Variants in VWDE observed in about 807,000 individuals in gnomAD.
VWDE encodes von Willebrand factor D and EGF domains, also known as von Willebrand factor D and EGF domain-containing protein.
Under a neutral mutation model 178.4 loss-of-function variants are expected in VWDE, and 207 were observed. The ratio of observed to expected loss-of-function variants is 1.16; its 90% CI spans 1.04 to 1.30. The LOEUF (loss-of-function observed/expected upper bound fraction) is 1.30, where lower values mean the gene tolerates loss of function less well. Ranked by LOEUF, VWDE falls within the 50% of genes most tolerant of loss-of-function variation. The pLI, the probability that VWDE is intolerant of heterozygous loss-of-function variation, is 0.00. For synonymous variants in VWDE, 738 were observed against 651.4 expected, an observed-to-expected ratio of 1.13 and a Z score of -2.02; for missense variants, 2,287 against 1,901.3, an observed-to-expected ratio of 1.20 and a Z score of -3.77.
In VWDE at chr7:12,393,610, G is replaced by C. The variant is rs2128562600; in HGVS notation, c.227C>G (p.Pro76Arg). 6.5e-7 allele frequency: 1 copy of C among 1,548,082 alleles called. No individual in the cohort carries two copies. The highest frequency in any genetic ancestry group is 1.7e-4 in the Middle Eastern group (1 of 5,954). The change falls in exon 2 of 29, where the codon CCA becomes CGA. Residue 76 changes from proline to arginine, a missense_variant. Pro to Arg is a moderately radical substitution (Grantham distance 103). Coordinates refer to ENST00000275358, the MANE Select transcript of VWDE (RefSeq NM_001135924.3). ...FLILDRPAEM[P>R]TKCVEMNHCG... The stretch of plus-strand genomic sequence containing the variant: ...TTGACATACCTCAACACATTTGGTT[G>C]GCATCTCGGCAGGTCTGTCAAGGAT...
chr7:12,378,450 C>A (rs77455919), intron 6 of VWDE, among the ~76,000 whole-genome samples: 116 of 152,248 alleles, frequency 7.6e-4, no homozygotes, highest in African/African-American at 2.6e-3. Flanking sequence ...CTGGTGCAAC[C>A]CAGGACTGGC....
intron 13 of VWDE, among the ~76,000 whole-genome samples, chr7:12,366,124 T>G (rs145596044): frequency 6.6e-6 from 1 of 152,254 alleles, no homozygotes; most frequent in African/African-American, 2.4e-5. Flanking sequence ...TGATTTTATG[T>G]TTCCTGGGGT....
At chr7:12,401,918 T>A (rs1017492129) in intron 1 of VWDE, among the ~76,000 whole-genome samples, 2 of 152,148 alleles carry the variant, frequency 1.3e-5, no homozygotes, top group African/African-American at 2.4e-5. Flanking sequence ...TGAATGTACA[T>A]ACAAAATATA....
At chr7:12,392,161 C>T (rs576436189) in intron 2 of VWDE, among the ~76,000 whole-genome samples, 1 of 152,276 alleles carries the variant, frequency 6.6e-6, no homozygotes, top group South Asian at 2.1e-4. Flanking sequence ...GTGACTCATG[C>T]TTAGTGTCTG....
chr7:12,380,416 T>G (rs1243205655), intron 5 of VWDE, 70 bp downstream of exon 5: 3 of 1,504,182 alleles, frequency 2.0e-6, no homozygotes, highest in Non-Finnish European at 2.7e-6. Flanking sequence ...TTTTTGGATA[T>G]GATGTTTAAA....
chr7:12,381,524 G>T (rs912692474), intron 4 of VWDE, among the ~76,000 whole-genome samples: 1 of 152,058 alleles, frequency 6.6e-6, no homozygotes, highest in African/African-American at 2.4e-5. Flanking sequence ...TTGCCATGTA[G>T]ATTTTGGAAA....
At chr7:12,388,353 A>G (rs1784207369) in intron 3 of VWDE, among the ~76,000 whole-genome samples, 1 of 152,072 alleles carries the variant, frequency 6.6e-6, no homozygotes, top group African/African-American at 2.4e-5. Context: ...TGATTAATAT[A>G]ATGTCTGCCA....
intron 10 of VWDE, among the ~76,000 whole-genome samples, chr7:12,372,453 G>A (rs1223213623): frequency 6.6e-6 from 1 of 151,856 alleles, no homozygotes; most frequent in Non-Finnish European, 1.5e-5. Flanking sequence ...ATGAATGGAA[G>A]GTGGCTATGA....
intron 17 of VWDE, 105 bp from the exon 18 acceptor site, chr7:12,356,435 C>G: frequency 1.3e-6 from 1 of 791,050 alleles, no homozygotes; most frequent in Non-Finnish European, 2.0e-6. Flanking sequence ...CAAGTATGAC[C>G]AAATCACTTA....
rs750042355 is a variant in VWDE at position 12,359,509 on chromosome 7, C to G, written c.3274+69G>C. Reference sequence around the variant, plus strand: ...ATTCATCTTAAACACATTTACGTAACTTCTGGCTGAAAACCACTTTTAAAA... The same window carrying G: ...ATTCATCTTAAACACATTTACGTAAGTTCTGGCTGAAAACCACTTTTAAAA... On this transcript the variant is annotated intron_variant, in intron 16 of 28. Transcript: ENST00000275358. 57 of 1,085,634 alleles carry G rather than the reference C, an allele frequency of 5.3e-5. 2 individuals are homozygous for G. The Middle Eastern group carries it at 8.3e-4, about 16-fold the overall frequency. The allele number at this position is 1,085,634 out of a possible 1,614,324, so 67.3% of individuals were successfully genotyped here. A position where few individuals can be genotyped will look rare whatever the true frequency, so the allele number is the denominator to read the frequency against.
At position 12,376,776 on chromosome 7, in the gene VWDE, G is replaced by T. The variant is rs533067083; in HGVS notation, c.1024+1000C>A. Among the ~76,000 whole-genome samples the T allele has an allele frequency of 1.7e-3, 255 of 152,166 alleles. 1 individual carries two copies. Among genetic ancestry groups the T allele is most frequent in the Non-Finnish European group, 2.7e-3 (185 of 67,946 alleles). On this transcript the variant is annotated intron_variant, in intron 7 of 28. Transcript: ENST00000275358. ...CGTGGTGCTCCTGAAATCTGAGCGA[G>T]TAGGTAGGTATTACTGAGCCTGCTT...
rs1270254493 is a variant in VWDE, at chr7:12,373,195, G to A, written c.1369C>T (p.Arg457Cys). 29 of 1,551,154 alleles carry A rather than the reference G, an allele frequency of 1.9e-5. No individual in the cohort carries two copies. Among genetic ancestry groups the A allele is most frequent in the South Asian group, 3.6e-5 (3 of 84,050 alleles). ...TGACGTACATGGACTTCAAAATCAC[G>A]TGACATACTCTTATAAAGCACAAAT... ...GTFVLYKSMSRDFEVHVRQWD... is the reference protein window; with the variant it reads ...GTFVLYKSMSCDFEVHVRQWD... The change falls in exon 10 of 29, where the codon CGT (arginine) becomes TGT (cysteine). Residue 457 changes from arginine to cysteine, a missense_variant. Physicochemically the swap from Arg to Cys is radical, Grantham distance 180. Transcript: ENST00000275358.
chr7:12,387,993 G>C (rs780240170), intron 3 of VWDE, among the ~76,000 whole-genome samples: 6 of 152,074 alleles, frequency 3.9e-5, no homozygotes, highest in African/African-American at 9.7e-5. Context: ...TACCTTAGGA[G>C]TGCACTCTCA....
At chr7:12,360,340 G>C (rs1034908866) in intron 15 of VWDE, among the ~76,000 whole-genome samples, 1 of 151,964 alleles carries the variant, frequency 6.6e-6, no homozygotes, top group African/African-American at 2.4e-5. Flanking sequence ...AAAAGTTAGA[G>C]CAAAATAGCT....
chr7:12,379,966 C>T (rs917649417), intron 5 of VWDE, among the ~76,000 whole-genome samples: 4 of 151,572 alleles, frequency 2.6e-5, no homozygotes, highest in Non-Finnish European at 4.4e-5. Flanking sequence ...GGTGTGGTGG[C>T]GGGCGCCTGT....
chr7:12,373,421 C>A (rs527306103), intron 9 of VWDE, among the ~76,000 whole-genome samples, 174 bp from the exon 10 acceptor site: 2 of 152,108 alleles, frequency 1.3e-5, no homozygotes, highest in Admixed American at 6.6e-5. Context: ...CCTTTCACCA[C>A]TCCAGTCAAG....
chr7:12,374,993 T>C lies in VWDE; in HGVS notation c.1242+17A>G, dbSNP rs1562500341. On this transcript the variant is annotated intron_variant, in intron 8 of 28. Coordinates refer to ENST00000275358, the MANE Select transcript of VWDE (RefSeq NM_001135924.3). The stretch of plus-strand genomic sequence containing the variant: ...CTTAAAGCTTCACTTGCAGTATTAG[T>C]GTTGTAATTTGTCAACCTGGATGCT... The C allele has an allele frequency of 3.2e-6, 5 of 1,540,764 alleles. No homozygotes were observed. Among genetic ancestry groups the C allele is most frequent in the South Asian group, 2.4e-5 (2 of 83,788 alleles).
At chr7:12,357,024 G>A (rs1782284160) in intron 17 of VWDE, among the ~76,000 whole-genome samples, 2 of 152,156 alleles carry the variant, frequency 1.3e-5, no homozygotes, top group Non-Finnish European at 2.9e-5. Context: ...TCATAGTGAA[G>A]TGCCAAATAA....
At chr7:12,390,119 C>T (rs1784309893) in intron 2 of VWDE, among the ~76,000 whole-genome samples, 1 of 149,456 alleles carries the variant, frequency 6.7e-6, no homozygotes, top group South Asian at 2.1e-4. Flanking sequence ...GAGCTGAGAT[C>T]GCACCACTGC....
Sources: gnomAD v4.1 joint callset for allele counts (sites outside exome capture counted in the v4.1 genomes callset) on GRCh38, gnomAD v4.1.1 for gene constraint, MANE v1.5 for transcripts, NCBI Gene and HGNC (gene_info 2026-07-23, HGNC 2026-07-21) for gene names.